The following PTPN11 variants were observed in gnomAD, a reference collection of about 807,000 sequenced individuals.
PTPN11 encodes tyrosine-protein phosphatase non-receptor type 11.
Under a neutral mutation model 78.8 loss-of-function variants are expected in PTPN11, and 6 were observed. The observed-to-expected ratio is 0.08, with a 90% confidence interval of 0.04 to 0.15. The LOEUF (loss-of-function observed/expected upper bound fraction) is 0.15. Among genes scored for constraint, PTPN11 ranks in the 10% least tolerant of loss-of-function variants. PTPN11 has a pLI of 1.00. For missense variants in PTPN11, 386 were observed against 744.8 expected (o/e 0.52, Z 5.61); for synonymous variants, 221 against 263.5 (o/e 0.84, Z 1.56).
At chr12:112,472,375 T>C (rs1354848535) in intron 6 of PTPN11, among the ~76,000 whole-genome samples, 1 of 152,210 alleles carries the variant, frequency 6.6e-6, no homozygotes, top group Non-Finnish European at 1.5e-5. Context: ...ACTTTCATCA[T>C]CTTTCCAAGG....
chr12:112,467,010 C>G (rs185988135), intron 6 of PTPN11, among the ~76,000 whole-genome samples: 2 of 152,210 alleles, frequency 1.3e-5, no homozygotes, highest in Admixed American at 6.5e-5. Flanking sequence ...CTATTTTGGT[C>G]ATTGCAGTCA....
chr12:112,450,467 T>C lies in PTPN11; in HGVS notation c.287T>C (p.Ile96Thr), dbSNP rs2135862822. 6.2e-7 allele frequency: 1 copy of C among 1,614,094 alleles called. No homozygotes were observed. Among genetic ancestry groups the C allele is most frequent in the Non-Finnish European group, 8.5e-7 (1 of 1,179,954 alleles). Residue 96 changes from isoleucine (I) to threonine (T), a missense_variant, in exon 3 of 16, where the codon ATT (isoleucine) becomes ACT (threonine). Physicochemically the swap from Ile to Thr is moderately conservative, Grantham distance 89. This residue lies in a region of PTPN11 where 279 missense variants were observed against 503.3 expected (regional missense o/e 0.55). Transcript: ENST00000351677. ...GQLKEKNGDVIELKYPLNCAD... is the reference protein window; with the variant it reads ...GQLKEKNGDVTELKYPLNCAD... Reference sequence around the variant, plus strand: ...TTAAAAGAGAAGAATGGAGATGTCATTGAGCTTAAATATCCTCTGAACTGT... The same window carrying C: ...TTAAAAGAGAAGAATGGAGATGTCACTGAGCTTAAATATCCTCTGAACTGT...
chr12:112,508,517 A>T lies in PTPN11; in HGVS notation c.*2725A>T, dbSNP rs2038963274. The T allele has an allele frequency of 6.6e-6, 1 of 152,400 alleles. No individual in the cohort carries two copies. Among genetic ancestry groups the T allele is most frequent in the Non-Finnish European group, 1.5e-5 (1 of 68,052 alleles). 9.4% of individuals were successfully genotyped at this position (152,400 alleles called of 1,614,324 possible). ...GTAATGGGTGAATGAGGTTGTTTGG[A>T]AAGTCGGTGTGACAGACACATGGAT... On this transcript the variant is annotated 3_prime_UTR_variant, in exon 16 of 16. Coordinates refer to ENST00000351677, the MANE Select transcript of PTPN11 (RefSeq NM_002834.5).
intron 6 of PTPN11, among the ~76,000 whole-genome samples, chr12:112,459,908 TACAC>T (rs56846748): frequency 0.072 from 10,627 of 146,892 alleles, 445 homozygotes; most frequent in East Asian, 0.21. Context: ...TCCTGATTGC[TACAC>T]ACACACACAC....
At chr12:112,437,103 A>G (rs980396350) in intron 1 of PTPN11, among the ~76,000 whole-genome samples, 10 of 151,934 alleles carry the variant, frequency 6.6e-5, no homozygotes, top group South Asian at 2.1e-4. Context: ...ACATTCACCC[A>G]TGTTTTCCTC....
Position 112,482,277 on chromosome 12 carries a change from T to C in PTPN11, c.1224+72T>C. On this transcript the variant is annotated intron_variant, in intron 10 of 15. Coordinates refer to ENST00000351677, the MANE Select transcript of PTPN11 (RefSeq NM_002834.5). This position sits in a 1 kb window ranked among gnomAD's most constrained non-coding sequence, Gnocchi z 4.4. ...GTGTAGGAATTCAGGGTCTTGCCGT[T>C]ACTCATGTTTGCATACATGCATGCA... The C allele has an allele frequency of 1.3e-6, 2 of 1,541,348 alleles. No homozygotes were observed. The highest frequency in any genetic ancestry group is 1.8e-6 in the Non-Finnish European group (2 of 1,117,330).
intron 1 of PTPN11, 59 bp from the exon 2 acceptor site, chr12:112,446,217 G>A (rs919393674): frequency 6.2e-7 from 1 of 1,604,314 alleles, no homozygotes; most frequent in African/African-American, 1.3e-5. Context: ...GTGTTGTTGT[G>A]GAAAGTAGTG....
At position 112,419,117 on chromosome 12, in the gene PTPN11, A is replaced by G. The variant is rs768238710; in HGVS notation, c.6A>G (p.Thr2=). ...AGCCGGAGGGCGGGAGGAACATGAC[A>G]TCGCGGAGGTGAGGAGCCCCGAGGG... is the stretch of plus-strand genomic sequence containing the variant. M[T]SRRWFHPNIT... The change falls in exon 1 of 16, where the codon ACA becomes ACG. Residue 2 remains threonine (T), a synonymous_variant. Coordinates refer to ENST00000351677, the MANE Select transcript of PTPN11 (RefSeq NM_002834.5). 5.2e-6 allele frequency: 8 copies of G among 1,526,568 alleles called. No individual in the cohort carries two copies. The highest frequency in any genetic ancestry group is 2.4e-5 in the South Asian group (2 of 82,200). 94.6% of individuals were successfully genotyped at this position (1,526,568 alleles called of 1,614,324 possible). A position where few individuals can be genotyped will look rare whatever the true frequency, so the allele number is the denominator to read the frequency against.
rs1566162813 is a variant in PTPN11 at position 112,442,874 on chromosome 12, ATAT to A, written c.15-3401_15-3399del. ...TATATATATATATATATATATATAT[ATAT>A]AAATTATATATACACTACACATATA... On this transcript the variant is annotated intron_variant, in intron 1 of 15. Transcript: ENST00000351677. Among the ~76,000 whole-genome samples the A allele has an allele frequency of 5.7e-4, 44 of 76,564 alleles. 1 individual carries two copies. Among genetic ancestry groups the A allele is most frequent in the African/African-American group, 2.1e-3 (32 of 15,038 alleles). The allele number at this position is 76,564 out of a possible 152,430, so 50.2% of individuals were successfully genotyped here.
chr12:112,482,051 T>G lies in PTPN11; in HGVS notation c.1093-23T>G. 1.9e-6 allele frequency: 3 copies of G among 1,543,484 alleles called. No individual in the cohort carries two copies. Among genetic ancestry groups the G allele is most frequent in the Non-Finnish European group, 2.7e-6 (3 of 1,116,424 alleles). ...ATTTCAGAGTTCACAGAATTAACTT[T>G]CTTTTTTTCTGATCTCTTCCAGAGT... On this transcript the variant is annotated intron_variant, in intron 9 of 15. Transcript: ENST00000351677. The surrounding 1 kb of genome is among the most constrained non-coding windows in gnomAD (Gnocchi z 4.4).
At chr12:112,442,830 T>TTATATATATATATATATATA (rs71086107) in intron 1 of PTPN11, among the ~76,000 whole-genome samples, 4 of 43,532 alleles carry the variant, frequency 9.2e-5, no homozygotes, top group South Asian at 6.0e-4. Context: ...CTCTCTCTTT[T>TTATATATATATATATATATA]TATATATATA....
At chr12:112,501,908 G>A (rs562800068) in intron 13 of PTPN11, among the ~76,000 whole-genome samples, 14 of 152,278 alleles carry the variant, frequency 9.2e-5, no homozygotes, top group Admixed American at 2.0e-4. Flanking sequence ...TTGTTAATGC[G>A]TGACTCTGTG....
rs548503323 is a variant in PTPN11, at chr12:112,466,723, GA to G, written c.757-6213del. ...TTTAAAATATAAAAAATTTAAGAAA[GA>G]AAAAAAATAAGTAAAGTAACTATAC... is the stretch of plus-strand genomic sequence containing the variant. On this transcript the variant is annotated intron_variant, in intron 6 of 15. Coordinates refer to ENST00000351677, the MANE Select transcript of PTPN11 (RefSeq NM_002834.5). Among the ~76,000 whole-genome samples, 395 of 151,796 alleles carry G rather than the reference GA, an allele frequency of 2.6e-3. 5 individuals carry two copies. Among genetic ancestry groups the G allele is most frequent in the African/African-American group, 2.9e-3 (122 of 41,440 alleles).
intron 9 of PTPN11, among the ~76,000 whole-genome samples, chr12:112,481,009 G>A (rs1417439661): frequency 1.3e-5 from 2 of 152,094 alleles, no homozygotes; most frequent in Non-Finnish European, 2.9e-5. Flanking sequence ...TTTTCAATCC[G>A]CCTGCTCTTG....
At chr12:112,438,053 G>A (rs2037821806) in intron 1 of PTPN11, among the ~76,000 whole-genome samples, 2 of 152,098 alleles carry the variant, frequency 1.3e-5, no homozygotes, top group Admixed American at 6.6e-5. Context: ...TGATGTACCT[G>A]AAGTATTTTC....
At chr12:112,431,452 C>A (rs774587467) in intron 1 of PTPN11, among the ~76,000 whole-genome samples, 4 of 152,090 alleles carry the variant, frequency 2.6e-5, no homozygotes, top group African/African-American at 9.7e-5. Context: ...GCCAGTCTAG[C>A]CTTCAACCTG....
chr12:112,504,833 A>T lies in PTPN11; in HGVS notation c.*32+37A>T. 7.7e-7 allele frequency: 1 copy of T among 1,297,188 alleles called. No individual in the cohort carries two copies. The highest frequency in any genetic ancestry group is 1.1e-6 in the Non-Finnish European group (1 of 901,924). 80.4% of individuals were successfully genotyped at this position (1,297,188 alleles called of 1,614,324 possible). On this transcript the variant is annotated intron_variant, in intron 15 of 15. Transcript: ENST00000351677. This position sits in a 1 kb window ranked among gnomAD's most constrained non-coding sequence, Gnocchi z 4.7. Reference sequence around the variant, plus strand: ...CAAGTGCTCTATTGGTTAATTGTTTATATAATTGGCAGTATTTTTAAGCAG... The same window carrying T: ...CAAGTGCTCTATTGGTTAATTGTTTTTATAATTGGCAGTATTTTTAAGCAG...
At chr12:112,475,870 A>G (rs1159587159) in intron 7 of PTPN11, among the ~76,000 whole-genome samples, 1 of 152,248 alleles carries the variant, frequency 6.6e-6, no homozygotes, top group Non-Finnish European at 1.5e-5. Context: ...CATTTGTAAT[A>G]CTGAGAAAAG....
At chr12:112,443,679 G>T (rs1336489497) in intron 1 of PTPN11, among the ~76,000 whole-genome samples, 2 of 145,204 alleles carry the variant, frequency 1.4e-5, no homozygotes, top group African/African-American at 2.6e-5. Flanking sequence ...TTGAGACAGG[G>T]TCTTATTCTG....
Sources: allele counts gnomAD v4.1 joint callset (sites outside exome capture counted in the v4.1 genomes callset), GRCh38; gene constraint gnomAD v4.1.1; regional missense constraint gnomAD v4.1.1; non-coding constraint Gnocchi (gnomAD v3.1); transcripts MANE v1.5; gene names NCBI Gene and HGNC (gene_info 2026-07-23, HGNC 2026-07-21).